CFAP20DC: variants seen among roughly 807,000 people sequenced by gnomAD.
CFAP20DC encodes CFAP20 domain containing, also known as protein CFAP20DC.
In CFAP20DC, 84 loss-of-function variants were observed where a neutral mutation model predicts 101.7. That is an observed-to-expected ratio of 0.83 (90% confidence interval 0.69 to 0.99). The LOEUF (loss-of-function observed/expected upper bound fraction) is 0.99. CFAP20DC is among the 50% of genes least tolerant of loss of function. The pLI is 0.00. For synonymous variants in CFAP20DC, 359 were observed against 351.2 expected, an observed-to-expected ratio of 1.02 and a Z score of -0.25; for missense variants, 1,007 against 970.3, an observed-to-expected ratio of 1.04 and a Z score of -0.50.
At chr3:59,032,303 T>C (rs2094009517) in intron 4 of CFAP20DC, among the ~76,000 whole-genome samples, 1 of 146,766 alleles carries the variant, frequency 6.8e-6, no homozygotes, top group Non-Finnish European at 1.5e-5. Flanking sequence ...GCTGCAGGAG[T>C]TTTTTTTTCA....
At chr3:58,827,043 C>T (rs764913451) in intron 14 of CFAP20DC, among the ~76,000 whole-genome samples, 1 of 152,074 alleles carries the variant, frequency 6.6e-6, no homozygotes, top group Non-Finnish European at 1.5e-5. Flanking sequence ...ATGGTAGATA[C>T]ATGTCACTAT....
At chr3:58,784,007 C>T (rs946728784) in intron 15 of CFAP20DC, among the ~76,000 whole-genome samples, 4 of 151,854 alleles carry the variant, frequency 2.6e-5, no homozygotes, top group Non-Finnish European at 5.9e-5. Context: ...TCCTTCCCTC[C>T]CTTCCACCAC....
chr3:58,771,548 T>C (rs2070847752), intron 15 of CFAP20DC, among the ~76,000 whole-genome samples: 2 of 152,098 alleles, frequency 1.3e-5, no homozygotes, highest in Non-Finnish European at 2.9e-5. Flanking sequence ...TATTAGCATA[T>C]TGAGTTTGAG....
chr3:58,734,352 C>G, intron 3 of CFAP20DC: 1 of 332,906 alleles, frequency 3.0e-6, no homozygotes, highest in Non-Finnish European at 6.0e-6. Context: ...CCCATATATA[C>G]TTTCAGGAAT....
intron 12 of CFAP20DC, among the ~76,000 whole-genome samples, chr3:58,850,020 T>G (rs994740013): frequency 2.6e-4 from 40 of 152,304 alleles, no homozygotes; most frequent in African/African-American, 9.1e-4. Flanking sequence ...TCATTAAATA[T>G]AAATACTTGG....
At chr3:58,816,693 G>C (rs912541212) in intron 14 of CFAP20DC, among the ~76,000 whole-genome samples, 6 of 152,188 alleles carry the variant, frequency 3.9e-5, no homozygotes, top group African/African-American at 1.4e-4. Context: ...CAAACTGCAA[G>C]GTGGAAGCGA....
At position 58,971,169 on chromosome 3, in the gene CFAP20DC, T is replaced by A. The variant is rs1158173085; in HGVS notation, c.279-33407A>T. Among the ~76,000 whole-genome samples the A allele has an allele frequency of 6.6e-6, 1 of 152,182 alleles. No homozygotes were observed. The highest frequency in any genetic ancestry group is 1.9e-4 in the East Asian group (1 of 5,202). ...TTGACTATTCTGTTGAGCCTAACAG[T>A]ACCATCACAAACGATCACTTTCTGA... On this transcript the variant is annotated intron_variant, in intron 4 of 16. Transcript: ENST00000482387. This position sits in a 1 kb window ranked among gnomAD's most constrained non-coding sequence, Gnocchi z 4.1.
At chr3:58,871,685 T>C (rs891168087) in intron 7 of CFAP20DC, among the ~76,000 whole-genome samples, 35 of 152,098 alleles carry the variant, frequency 2.3e-4, no homozygotes, top group African/African-American at 5.5e-4. Context: ...CACGCCACCA[T>C]GCCCAGCTAA....
chr3:59,031,367 T>C (rs957558084), intron 4 of CFAP20DC, among the ~76,000 whole-genome samples: 1 of 152,194 alleles, frequency 6.6e-6, no homozygotes, highest in African/African-American at 2.4e-5. Flanking sequence ...TATGGGATTC[T>C]ATGGGTTGTT....
At chr3:58,816,913 G>A (rs1028916618) in intron 14 of CFAP20DC, among the ~76,000 whole-genome samples, 2 of 152,202 alleles carry the variant, frequency 1.3e-5, no homozygotes, top group African/African-American at 2.4e-5. Context: ...GAAGAGAGCA[G>A]TGGTTCTCCC....
chr3:58,738,086 C>A (rs763318401), downstream of CFAP20DC, among the ~76,000 whole-genome samples: 1 of 152,170 alleles, frequency 6.6e-6, no homozygotes, highest in Non-Finnish European at 1.5e-5. The surrounding 1 kb of genome is among the most constrained non-coding windows in gnomAD (Gnocchi z 4.4). Flanking sequence ...CAAGAATTCT[C>A]TTTATGACTA....
chr3:59,049,497 T>G, intron 1 of CFAP20DC, 114 bp downstream of exon 1: 1 of 1,029,954 alleles, frequency 9.7e-7, no homozygotes, highest in South Asian at 1.4e-5. Context: ...GTCTTACCCC[T>G]GAAAAAGACC....
chr3:58,930,523 T>C (rs1331937452), intron 5 of CFAP20DC, among the ~76,000 whole-genome samples: 2 of 152,308 alleles, frequency 1.3e-5, no homozygotes, highest in East Asian at 3.9e-4. Flanking sequence ...AGAATAAAAA[T>C]GTCCCTTTGT....
Position 58,894,631 on chromosome 3 carries a change from G to A in CFAP20DC, c.551-9922C>T, listed in dbSNP as rs995349427. Among the ~76,000 whole-genome samples the A allele has an allele frequency of 5.3e-5, 8 of 152,332 alleles. No individual in the cohort carries two copies. The South Asian group carries it at 1.4e-3, about 28-fold the overall frequency. ...TGTCTGTGGGTTTTCCAGGCACACA[G>A]TGCAAGCTGTCAGTGGATCTACCAT... On this transcript the variant is annotated intron_variant, in intron 6 of 16. Transcript: ENST00000482387. The surrounding 1 kb of genome is among the most constrained non-coding windows in gnomAD (Gnocchi z 4.1).
At chr3:58,949,894 C>T (rs1400853953) in intron 4 of CFAP20DC, among the ~76,000 whole-genome samples, 1 of 152,134 alleles carries the variant, frequency 6.6e-6, no homozygotes, top group East Asian at 1.9e-4. Context: ...CACTCCTATT[C>T]AACATAGTGT....
intron 15 of CFAP20DC, among the ~76,000 whole-genome samples, chr3:58,774,336 CTA>C (rs2071127479): frequency 6.6e-6 from 1 of 152,166 alleles, no homozygotes; most frequent in African/African-American, 2.4e-5. Flanking sequence ...AGCATTTTCC[CTA>C]AATATTCAAA....
downstream of CFAP20DC, among the ~76,000 whole-genome samples, chr3:58,741,802 T>G (rs1293802759): frequency 6.6e-6 from 1 of 152,026 alleles, no homozygotes; most frequent in African/African-American, 2.4e-5. Flanking sequence ...GCAGCTTAAG[T>G]GATGAACAAT....
At chr3:58,755,164 C>T (rs554267253) in intron 15 of CFAP20DC, among the ~76,000 whole-genome samples, 1 of 152,228 alleles carries the variant, frequency 6.6e-6, no homozygotes, top group Admixed American at 6.5e-5. Context: ...CTAATTCCTA[C>T]TTATAATATT....
intron 5 of CFAP20DC, among the ~76,000 whole-genome samples, chr3:58,931,544 T>A (rs561394830): frequency 6.6e-6 from 1 of 151,678 alleles, no homozygotes; most frequent in Non-Finnish European, 1.5e-5. Context: ...AGACTGACAC[T>A]TCACACGGGC....
Sources: gnomAD v4.1 joint callset for allele counts (sites outside exome capture counted in the v4.1 genomes callset) on GRCh38, gnomAD v4.1.1 for gene constraint, Gnocchi (gnomAD v3.1) non-coding constraint, MANE v1.5 for transcripts, NCBI Gene and HGNC (gene_info 2026-07-23, HGNC 2026-07-21) for gene names.